Variants in SYNE1 observed in about 807,000 individuals in gnomAD.
The protein encoded by SYNE1 is nesprin-1.
In SYNE1, 616 loss-of-function variants were observed where a neutral mutation model predicts 1,111.0. The observed-to-expected ratio is 0.55, with a 90% CI of 0.52 to 0.59. The LOEUF is 0.59. Among genes scored for constraint, SYNE1 ranks in the 20% least tolerant of loss-of-function variants. The pLI is 0.00. For synonymous variants in SYNE1, 3,855 were observed against 3,825.8 expected (o/e 1.01, Z -0.28); for missense variants, 10,006 against 10,417.0 (o/e 0.96, Z 1.72).
At chr6:152,430,804 A>G in intron 34 of SYNE1, 95 bp from the exon 35 acceptor site, 2 of 1,221,116 alleles carry the variant, frequency 1.6e-6, no homozygotes. Context: ...TATTTTCTTA[A>G]CTGATATTTG....
intron 3 of SYNE1, among the ~76,000 whole-genome samples, chr6:152,589,930 CTT>C (rs35508645): frequency 0.028 from 3,754 of 133,982 alleles, 173 homozygotes; most frequent in African/African-American, 0.093. Context: ...CTAAACATTT[CTT>C]TTTTTTTTTT....
intron 5 of SYNE1, among the ~76,000 whole-genome samples, chr6:152,521,460 T>G (rs1371748825): frequency 1.3e-5 from 2 of 152,226 alleles, no homozygotes; most frequent in East Asian, 3.8e-4. Context: ...CTTTTTATTC[T>G]GATCAGCATT....
At chr6:152,482,500 T>A (rs748718355) in intron 14 of SYNE1, among the ~76,000 whole-genome samples, 2 of 152,172 alleles carry the variant, frequency 1.3e-5, no homozygotes, top group Non-Finnish European at 2.9e-5. Context: ...TAATGTGATG[T>A]TAATGAAAAA....
intron 108 of SYNE1, among the ~76,000 whole-genome samples, chr6:152,237,725 CAT>C (rs774735534): frequency 6.6e-6 from 1 of 152,128 alleles, no homozygotes; most frequent in Non-Finnish European, 1.5e-5. Flanking sequence ...GCATATGAAA[CAT>C]ATCTATAAAT....
intron 125 of SYNE1, among the ~76,000 whole-genome samples, chr6:152,207,004 C>T (rs1478957183): frequency 2.6e-5 from 4 of 151,872 alleles, no homozygotes; most frequent in African/African-American, 7.3e-5. Context: ...ACTCAGGAAT[C>T]GAGTAAAAGT....
intron 119 of SYNE1, 130 bp from the exon 120 acceptor site, chr6:152,219,315 T>A: frequency 1.1e-6 from 1 of 937,982 alleles, no homozygotes; most frequent in Middle Eastern, 3.1e-4. Flanking sequence ...TAAATAAACT[T>A]CACCTGTGGA....
intron 34 of SYNE1, 93 bp from the exon 35 acceptor site, chr6:152,430,802 T>C: frequency 1.6e-6 from 2 of 1,219,434 alleles, no homozygotes; most frequent in Non-Finnish European, 2.4e-6. Context: ...AATATTTTCT[T>C]AACTGATATT....
rs146939700 is a variant in SYNE1, at chr6:152,215,656, C to T, written c.22192-596G>A. On this transcript the variant is annotated intron_variant, in intron 121 of 145. Transcript: ENST00000367255. Reference sequence around the variant, plus strand: ...CAAAAGTTATAACAGTGATAGCTAACGTTTATTGAGCACTTACTATGAATC... The same window carrying T: ...CAAAAGTTATAACAGTGATAGCTAATGTTTATTGAGCACTTACTATGAATC... Among the ~76,000 whole-genome samples, 9 of 152,238 alleles carry T rather than the reference C, an allele frequency of 5.9e-5. No individual in the cohort carries two copies. In the East Asian group the frequency reaches 1.5e-3, roughly 26 times the overall value.
At chr6:152,634,900 C>A (rs2099703643) in intron 2 of SYNE1, among the ~76,000 whole-genome samples, 1 of 152,246 alleles carries the variant, frequency 6.6e-6, no homozygotes, top group Non-Finnish European at 1.5e-5. Flanking sequence ...ACACAGAGGA[C>A]CTCGCAGAGG....
intron 138 of SYNE1, among the ~76,000 whole-genome samples, chr6:152,143,031 G>T (rs565742486): frequency 6.6e-6 from 1 of 152,154 alleles, no homozygotes; most frequent in African/African-American, 2.4e-5. Context: ...TCAGTAACTC[G>T]AGTAGGGCAA....
chr6:152,450,864 T>A, intron 26 of SYNE1, 31 bp from the exon 27 acceptor site: 1 of 1,609,526 alleles, frequency 6.2e-7, no homozygotes, highest in South Asian at 1.1e-5. Context: ...TTATAATCCC[T>A]GTGAGAAGCC....
intron 3 of SYNE1, among the ~76,000 whole-genome samples, chr6:152,611,620 T>G (rs1434900315): frequency 6.6e-6 from 1 of 152,168 alleles, no homozygotes; most frequent in Non-Finnish European, 1.5e-5. Flanking sequence ...TATCCAGGAA[T>G]TGAACTCAGC....
Position 152,347,107 on chromosome 6 carries a change from C to A in SYNE1, c.12030G>T (p.Leu4010=), listed in dbSNP as rs533053773. 2 of 1,614,204 alleles carry A rather than the reference C, an allele frequency of 1.2e-6. No individual in the cohort carries two copies. Among genetic ancestry groups the A allele is most frequent in the African/African-American group, 2.7e-5 (2 of 75,052 alleles). The change falls in exon 73 of 146, where the codon CTG becomes CTT. Residue 4010 remains leucine (L), a synonymous_variant. Transcript: ENST00000367255. ...CTGAGTAGCTGTCCTTTGTGCCCTG[C>A]AGATGAGCATGCACGTTTTGTTTAA... The part of the protein sequence containing the change: ...AKLKQNVHAH[L]QGTKDSYSAI...
chr6:152,201,524 C>A (rs1267828983), intron 127 of SYNE1, among the ~76,000 whole-genome samples: 1 of 150,992 alleles, frequency 6.6e-6, no homozygotes, highest in Non-Finnish European at 1.5e-5. Flanking sequence ...TAGAATGACT[C>A]CCCAGTGTGG....
intron 81 of SYNE1, 42 bp from the exon 82 acceptor site, chr6:152,323,779 A>C (rs778504732): frequency 1.2e-6 from 2 of 1,609,988 alleles, no homozygotes; most frequent in Non-Finnish European, 1.7e-6. Context: ...ATAATAAATA[A>C]ACTGAAAAAA....
At chr6:152,264,029 T>C (rs775828864) in intron 100 of SYNE1, among the ~76,000 whole-genome samples, 5 of 151,562 alleles carry the variant, frequency 3.3e-5, no homozygotes, top group Non-Finnish European at 7.4e-5. Context: ...GGCAACATGA[T>C]GAAACCTCAT....
chr6:152,191,233 C>CTT (rs34434403), intron 127 of SYNE1, among the ~76,000 whole-genome samples: 4 of 140,240 alleles, frequency 2.9e-5, no homozygotes, highest in East Asian at 2.1e-4. Context: ...TATAATTTTC[C>CTT]TTTTTTTTTT....
At chr6:152,484,044 A>AAAAAAAAAAAAAAAAAAAC (rs2098925786) in intron 13 of SYNE1, among the ~76,000 whole-genome samples, 1 of 148,356 alleles carries the variant, frequency 6.7e-6, no homozygotes, top group Non-Finnish European at 1.5e-5. Context: ...TCTACAAAAA[A>AAAAAAAAAAAAAAAAAAAC]AAAAAAAAAA....
intron 3 of SYNE1, among the ~76,000 whole-genome samples, chr6:152,603,708 A>C (rs1254178858): frequency 6.6e-6 from 1 of 151,226 alleles, no homozygotes; most frequent in African/African-American, 2.4e-5. Context: ...GAATATATAG[A>C]TATGTATATC....
Sources: gnomAD v4.1 joint callset for allele counts (sites outside exome capture counted in the v4.1 genomes callset) on GRCh38, gnomAD v4.1.1 for gene constraint, MANE v1.5 for transcripts, NCBI Gene and HGNC (gene_info 2026-07-23, HGNC 2026-07-21) for gene names.